The following CDC42SE2 variants were observed in gnomAD, a reference collection of about 807,000 sequenced individuals.
The protein encoded by CDC42SE2 is CDC42 small effector protein 2.
In CDC42SE2, 3 loss-of-function variants were observed where a neutral mutation model predicts 11.5. That is an observed-to-expected ratio of 0.26 (90% CI 0.12 to 0.67). CDC42SE2 has a LOEUF of 0.67. CDC42SE2 is among the 30% of genes least tolerant of loss of function. The pLI, the probability that CDC42SE2 is intolerant of heterozygous loss-of-function variation, is 0.80. For missense variants in CDC42SE2, 82 were observed against 106.8 expected, an observed-to-expected ratio of 0.77 and a Z score of 1.02; for synonymous variants, 33 against 34.8, an observed-to-expected ratio of 0.95 and a Z score of 0.18.
intron 3 of CDC42SE2, among the ~76,000 whole-genome samples, chr5:131,368,194 A>C (rs574248816): frequency 6.7e-6 from 1 of 150,336 alleles, no homozygotes; most frequent in Non-Finnish European, 1.5e-5. Context: ...CGGAGCTTGC[A>C]ATGAGCCGAG....
intron 2 of CDC42SE2, among the ~76,000 whole-genome samples, chr5:131,258,172 T>G (rs1756693656): frequency 6.6e-6 from 1 of 152,210 alleles, no homozygotes; most frequent in African/African-American, 2.4e-5. Flanking sequence ...TCTGAACTTT[T>G]GCTCACTAAG....
intron 1 of CDC42SE2, among the ~76,000 whole-genome samples, chr5:131,284,904 C>T (rs1292912976): frequency 1.3e-5 from 2 of 151,922 alleles, no homozygotes; most frequent in African/African-American, 2.4e-5. Context: ...GCTTTAGTCC[C>T]AGCTACATGG....
At chr5:131,331,808 C>T (rs913563571) in intron 2 of CDC42SE2, among the ~76,000 whole-genome samples, 3 of 152,160 alleles carry the variant, frequency 2.0e-5, no homozygotes, top group Admixed American at 6.5e-5. Flanking sequence ...AAATCTTCCA[C>T]ATCATAACAT....
intron 3 of CDC42SE2, among the ~76,000 whole-genome samples, chr5:131,375,114 T>C (rs977073260): frequency 6.6e-6 from 1 of 151,530 alleles, no homozygotes; most frequent in East Asian, 1.9e-4. Flanking sequence ...TAATTTTAAA[T>C]AGAAGGAGAA....
At chr5:131,358,152 A>G (rs1205321147) in intron 2 of CDC42SE2, among the ~76,000 whole-genome samples, 1 of 152,218 alleles carries the variant, frequency 6.6e-6, no homozygotes, top group Non-Finnish European at 1.5e-5. Flanking sequence ...CTTTAGTCAT[A>G]ATCTGATGAT....
intron 1 of CDC42SE2, among the ~76,000 whole-genome samples, chr5:131,298,734 C>T (rs75390797): frequency 0.034 from 5,230 of 152,104 alleles, 309 homozygotes; most frequent in African/African-American, 0.12. Context: ...ATGCTAAGAC[C>T]TACAAATCTT....
intron 2 of CDC42SE2, among the ~76,000 whole-genome samples, chr5:131,337,738 G>T (rs1348233771): frequency 6.6e-6 from 1 of 152,324 alleles, no homozygotes; most frequent in East Asian, 1.9e-4. Flanking sequence ...AGCAATGAGC[G>T]AGGCTCCGTG....
At chr5:131,304,279 C>T (rs1043226338) in intron 1 of CDC42SE2, among the ~76,000 whole-genome samples, 3 of 152,052 alleles carry the variant, frequency 2.0e-5, no homozygotes, top group Non-Finnish European at 4.4e-5. Flanking sequence ...ACACTGTACC[C>T]GGCCTAAAAT....
chr5:131,295,994 CT>C (rs1451678868), intron 1 of CDC42SE2, among the ~76,000 whole-genome samples: 6 of 152,224 alleles, frequency 3.9e-5, no homozygotes, highest in African/African-American at 1.4e-4. Context: ...CAACACATTT[CT>C]TTTTATCCAG....
At chr5:131,322,046 T>G (rs1758202547) in intron 2 of CDC42SE2, among the ~76,000 whole-genome samples, 2 of 151,726 alleles carry the variant, frequency 1.3e-5, no homozygotes, top group Non-Finnish European at 2.9e-5. Context: ...GAGACGGGGT[T>G]TCACCGTGTT....
At chr5:131,352,352 A>C (rs1580774023) in intron 2 of CDC42SE2, among the ~76,000 whole-genome samples, 1 of 152,348 alleles carries the variant, frequency 6.6e-6, no homozygotes, top group East Asian at 1.9e-4. Flanking sequence ...ATGGAAATCT[A>C]CTTAGCAATA....
intron 1 of CDC42SE2, among the ~76,000 whole-genome samples, chr5:131,248,106 T>C (rs1265006772): frequency 1.3e-5 from 2 of 151,470 alleles, no homozygotes; most frequent in Non-Finnish European, 3.0e-5. Context: ...TCCTTCTAAA[T>C]GGGAAAATAT....
Position 131,394,630 on chromosome 5 carries a change from A to AAAGT in CDC42SE2, c.*3541_*3544dup, listed in dbSNP as rs1300842016. 6.6e-6 allele frequency: 1 copy of AAAGT among 152,330 alleles called. No individual in the cohort carries two copies. Among genetic ancestry groups the AAAGT allele is most frequent in the African/African-American group, 2.4e-5 (1 of 41,454 alleles). The allele number at this position is 152,330 out of a possible 1,614,324, so 9.4% of individuals were successfully genotyped here. On this transcript the variant is annotated 3_prime_UTR_variant, in exon 5 of 5. Coordinates refer to ENST00000505065, the MANE Select transcript of CDC42SE2 (RefSeq NM_001375635.1). ...GTGTTGGCTTGTAGATACTAAAAAG[A>AAAGT]AAGTATTGATTTTGATTCAATAAAT...
intron 2 of CDC42SE2, among the ~76,000 whole-genome samples, chr5:131,340,950 T>G (rs1031529609): frequency 1.3e-5 from 2 of 152,162 alleles, no homozygotes; most frequent in African/African-American, 4.8e-5. Flanking sequence ...GTGCTGGTAT[T>G]ACAGGCACGA....
At chr5:131,365,542 T>A (rs2149775412) in intron 3 of CDC42SE2, among the ~76,000 whole-genome samples, 1 of 152,346 alleles carries the variant, frequency 6.6e-6, no homozygotes, top group South Asian at 2.1e-4. Context: ...AAATTAGGTA[T>A]GAGTATAGTA....
chr5:131,257,112 C>G (rs1756684834), intron 2 of CDC42SE2, among the ~76,000 whole-genome samples: 1 of 152,128 alleles, frequency 6.6e-6, no homozygotes, highest in South Asian at 2.1e-4. Context: ...CCCAGCCCAG[C>G]TAGTGGTGGG....
chr5:131,221,113 T>C, the CDC42SE2 span, among the ~76,000 whole-genome samples: 1 of 152,078 alleles, frequency 6.6e-6, no homozygotes, highest in African/African-American at 2.4e-5. Context: ...CTCAAACTCC[T>C]GACCTCATGC....
chr5:131,267,534 A>T (rs572328394), intron 1 of CDC42SE2, among the ~76,000 whole-genome samples: 1 of 152,078 alleles, frequency 6.6e-6, no homozygotes, highest in East Asian at 1.9e-4. Flanking sequence ...TGTTGGGGAG[A>T]GGGTAGTTCA....
intron 2 of CDC42SE2, among the ~76,000 whole-genome samples, chr5:131,349,514 G>A (rs1758947710): frequency 6.6e-6 from 1 of 152,178 alleles, no homozygotes; most frequent in Non-Finnish European, 1.5e-5. Flanking sequence ...CTAGTCAACA[G>A]CATGCTGTTA....
Sources: allele counts gnomAD v4.1 joint callset (sites outside exome capture counted in the v4.1 genomes callset), GRCh38; gene constraint gnomAD v4.1.1; transcripts MANE v1.5; gene names NCBI Gene and HGNC (gene_info 2026-07-23, HGNC 2026-07-21).